ZFAT: variants seen among roughly 807,000 people sequenced by gnomAD.
The protein encoded by ZFAT is zinc finger protein ZFAT.
ZFAT carries 64 observed loss-of-function variants against 117.7 expected under a neutral mutation model. That is an observed-to-expected ratio of 0.54 (90% confidence interval 0.44 to 0.67). The LOEUF (loss-of-function observed/expected upper bound fraction) is 0.67. ZFAT is among the 30% of genes least tolerant of loss of function. The pLI, the probability that ZFAT is intolerant of heterozygous loss-of-function variation, is 0.00. For missense variants in ZFAT, 1,433 were observed against 1,584.5 expected (o/e 0.90, Z 1.62); for synonymous variants, 679 against 615.0 (o/e 1.10, Z -1.54).
At chr8:134,553,423 A>C (rs1823332997) in intron 11 of ZFAT, among the ~76,000 whole-genome samples, 1 of 152,208 alleles carries the variant, frequency 6.6e-6, no homozygotes, top group Admixed American at 6.5e-5. Context: ...GAATCGCTTG[A>C]ACATGGGTGG....
At chr8:134,576,654 C>T (rs1329653223) in intron 10 of ZFAT, among the ~76,000 whole-genome samples, 1 of 152,126 alleles carries the variant, frequency 6.6e-6, no homozygotes, top group East Asian at 1.9e-4. Context: ...AGTGGCTTTG[C>T]TTTTTAGAGG....
chr8:134,714,067 A>T (rs924453839), upstream of ZFAT, among the ~76,000 whole-genome samples: 5 of 151,730 alleles, frequency 3.3e-5, no homozygotes, highest in African/African-American at 1.2e-4. Flanking sequence ...CATTTTCAAA[A>T]ATCAGTCAAC....
chr8:134,660,707 T>G (rs956142454), intron 1 of ZFAT, among the ~76,000 whole-genome samples: 13 of 152,272 alleles, frequency 8.5e-5, no homozygotes, highest in Admixed American at 8.5e-4. Flanking sequence ...ATGGGAATTC[T>G]GTGACATGTA....
intron 12 of ZFAT, among the ~76,000 whole-genome samples, chr8:134,523,705 C>T (rs575533065): frequency 6.6e-6 from 1 of 152,334 alleles, no homozygotes; most frequent in South Asian, 2.1e-4. Context: ...TCTCCCTTCT[C>T]TGTCTTTTGC....
At chr8:134,547,601 A>G (rs558130964) in intron 11 of ZFAT, among the ~76,000 whole-genome samples, 1 of 152,368 alleles carries the variant, frequency 6.6e-6, no homozygotes, top group African/African-American at 2.4e-5. Context: ...ATAGATTTCC[A>G]AAGAACACAC....
intron 11 of ZFAT, among the ~76,000 whole-genome samples, chr8:134,549,367 G>A (rs954216485): frequency 1.3e-5 from 2 of 151,350 alleles, no homozygotes; most frequent in African/African-American, 4.9e-5. Flanking sequence ...CGTGAACCTA[G>A]GAGGCGGAGC....
At chr8:134,769,690 A>G in the ZFAT span, among the ~76,000 whole-genome samples, 1 of 151,696 alleles carries the variant, frequency 6.6e-6, no homozygotes, top group South Asian at 2.1e-4. Flanking sequence ...CTCTGACCCC[A>G]CACTTCTCTT....
intron 10 of ZFAT, among the ~76,000 whole-genome samples, chr8:134,582,185 C>T (rs1408544226): frequency 6.6e-6 from 1 of 152,210 alleles, no homozygotes; most frequent in Non-Finnish European, 1.5e-5. Context: ...CGTGATACCA[C>T]CAACTACTCA....
intron 1 of ZFAT, among the ~76,000 whole-genome samples, chr8:134,701,951 T>C (rs1052647106): frequency 1.8e-4 from 28 of 152,332 alleles, no homozygotes; most frequent in Admixed American, 1.8e-3. Context: ...ATGATGGCTC[T>C]GCTCTCATGA....
At chr8:134,512,865 T>C (rs768698065) in intron 13 of ZFAT, among the ~76,000 whole-genome samples, 41 of 152,236 alleles carry the variant, frequency 2.7e-4, no homozygotes, top group Non-Finnish European at 4.6e-4. Flanking sequence ...AGAGTATGTA[T>C]GCTGTTCACA....
rs542036733 is a variant in ZFAT, at chr8:134,562,122, G to C, written c.2976+3211C>G. The stretch of plus-strand genomic sequence containing the variant: ...GAGGCAGAAGAGGAGAGTCAGAGAA[G>C]GAGACATGGTGAGAGATGCCATATT... On this transcript the variant is annotated intron_variant, in intron 11 of 15. Transcript: ENST00000377838. Among the ~76,000 whole-genome samples, 5 of 152,290 alleles carry C rather than the reference G, an allele frequency of 3.3e-5. No individual in the cohort carries two copies. The South Asian group carries it at 1.0e-3, about 32-fold the overall frequency.
chr8:134,551,648 C>T (rs1217653637), intron 11 of ZFAT, among the ~76,000 whole-genome samples: 1 of 152,180 alleles, frequency 6.6e-6, no homozygotes, highest in East Asian at 1.9e-4. Flanking sequence ...AAACAATCTG[C>T]TTATTTGAGA....
upstream of ZFAT, among the ~76,000 whole-genome samples, chr8:134,713,527 T>G (rs1436123870): frequency 6.6e-6 from 1 of 152,148 alleles, no homozygotes; most frequent in Non-Finnish European, 1.5e-5. Flanking sequence ...CGGCTGGGTT[T>G]TAGGGGCTAC....
intron 1 of ZFAT, among the ~76,000 whole-genome samples, chr8:134,665,948 A>G (rs1832194197): frequency 6.6e-6 from 1 of 152,174 alleles, no homozygotes; most frequent in Admixed American, 6.5e-5. Flanking sequence ...AGAGGCCTCA[A>G]GTAAAAACTC....
chr8:134,713,433 G>A (rs1013075656), upstream of ZFAT, among the ~76,000 whole-genome samples: 2 of 152,252 alleles, frequency 1.3e-5, no homozygotes. Flanking sequence ...GTTTACTGAT[G>A]TGTCCATCGG....
intron 10 of ZFAT, 37 bp from the exon 11 acceptor site, chr8:134,565,458 G>T: frequency 6.3e-7 from 1 of 1,591,144 alleles, no homozygotes; most frequent in Non-Finnish European, 8.6e-7. Context: ...GCGTCGCCAG[G>T]CCAACAGCTC....
At chr8:134,597,189 CTTT>C (rs971658876) in intron 7 of ZFAT, among the ~76,000 whole-genome samples, 4 of 145,010 alleles carry the variant, frequency 2.8e-5, no homozygotes, top group African/African-American at 1.0e-4. Flanking sequence ...GAAAGCAGAT[CTTT>C]TTTTTTTTTG....
intron 14 of ZFAT, 110 bp downstream of exon 14, chr8:134,512,365 G>C: frequency 1.3e-6 from 2 of 1,483,468 alleles, no homozygotes; most frequent in Non-Finnish European, 1.8e-6. Flanking sequence ...GCTGGGTCAG[G>C]GATTCGGAAG....
intron 2 of ZFAT, among the ~76,000 whole-genome samples, chr8:134,647,021 G>A (rs1830935381): frequency 6.6e-6 from 1 of 152,052 alleles, no homozygotes; most frequent in Non-Finnish European, 1.5e-5. Flanking sequence ...AAATTAAAGA[G>A]GAGGGAATAC....
Sources: allele counts gnomAD v4.1 joint callset (sites outside exome capture counted in the v4.1 genomes callset), GRCh38; gene constraint gnomAD v4.1.1; transcripts MANE v1.5; gene names NCBI Gene and HGNC (gene_info 2026-07-23, HGNC 2026-07-21).